CDK6: variants seen among roughly 807,000 people sequenced by gnomAD.
CDK6 encodes cyclin dependent kinase 6.
In CDK6, 6 loss-of-function variants were observed where a neutral mutation model predicts 37.1. That is an observed-to-expected ratio of 0.16 (90% CI 0.09 to 0.32). The LOEUF is 0.32. Ranked by LOEUF, CDK6 falls within the 10% of genes least tolerant of loss-of-function variation. CDK6 has a pLI of 1.00. For synonymous variants in CDK6, 160 were observed against 161.3 expected (o/e 0.99, Z 0.06); for missense variants, 224 against 418.9 (o/e 0.53, Z 4.06).
At chr7:92,723,273 G>A (rs149093472) in intron 4 of CDK6, among the ~76,000 whole-genome samples, 302 of 152,288 alleles carry the variant, frequency 2.0e-3, no homozygotes, top group African/African-American at 6.9e-3. Context: ...GGGTACCTCT[G>A]GAGTCAGGCT....
In CDK6 at chr7:92,669,286, T is replaced by C. The variant is rs530219141; in HGVS notation, c.647+2140A>G. ...AGGCTTGGAATCCAGTGACCACTTA[T>C]CACTTCAGTGGAAAATGCTTTTAAC... On this transcript the variant is annotated intron_variant, in intron 5 of 7. Coordinates refer to ENST00000424848, the MANE Select transcript of CDK6 (RefSeq NM_001145306.2). 1.8e-4 allele frequency among the ~76,000 whole-genome samples: 27 copies of C among 152,376 alleles called. 1 individual carries two copies. The East Asian group carries it at 3.5e-3, about 20-fold the overall frequency.
chr7:92,639,848 T>G (rs1334584363), intron 5 of CDK6, among the ~76,000 whole-genome samples: 1 of 152,198 alleles, frequency 6.6e-6, no homozygotes, highest in Admixed American at 6.5e-5. Context: ...GTTACTGGAT[T>G]TGACTAACGG....
At chr7:92,764,068 T>G (rs1310205663) in intron 3 of CDK6, among the ~76,000 whole-genome samples, 1 of 152,040 alleles carries the variant, frequency 6.6e-6, no homozygotes, top group Non-Finnish European at 1.5e-5. Flanking sequence ...AAAAACCTGT[T>G]GGGTTTAGTC....
chr7:92,780,401 G>A (rs1799956465), intron 2 of CDK6, among the ~76,000 whole-genome samples: 1 of 152,148 alleles, frequency 6.6e-6, no homozygotes, highest in South Asian at 2.1e-4. Flanking sequence ...AATGGGGCTA[G>A]GCTACCTAGA....
At chr7:92,681,689 A>C (rs1797338991) in intron 4 of CDK6, among the ~76,000 whole-genome samples, 1 of 152,146 alleles carries the variant, frequency 6.6e-6, no homozygotes, top group Admixed American at 6.5e-5. Flanking sequence ...GTAGCAATTT[A>C]AGTGCAGAAT....
chr7:92,657,401 A>T (rs1393709732), intron 5 of CDK6, among the ~76,000 whole-genome samples: 2 of 152,234 alleles, frequency 1.3e-5, no homozygotes, highest in African/African-American at 4.8e-5. Context: ...AGGAAAAATG[A>T]CATGAAGCAC....
intron 3 of CDK6, among the ~76,000 whole-genome samples, chr7:92,747,321 T>C (rs901459119): frequency 6.6e-6 from 1 of 152,204 alleles, no homozygotes; most frequent in Non-Finnish European, 1.5e-5. Context: ...TCTCTTTGAC[T>C]GATCTCCTGT....
chr7:92,703,289 T>C (rs1797897615), intron 4 of CDK6, among the ~76,000 whole-genome samples: 2 of 151,840 alleles, frequency 1.3e-5, no homozygotes, highest in South Asian at 4.1e-4. Context: ...ATAACCTTGG[T>C]ATGCGATGGG....
chr7:92,745,489 T>C (rs983331194), intron 3 of CDK6, among the ~76,000 whole-genome samples: 2 of 152,206 alleles, frequency 1.3e-5, no homozygotes, highest in African/African-American at 4.8e-5. Context: ...CAATCACCAC[T>C]GGATCAGGAC....
At chr7:92,616,889 T>C (rs996451432) in intron 7 of CDK6, among the ~76,000 whole-genome samples, 9 of 152,278 alleles carry the variant, frequency 5.9e-5, no homozygotes, top group Non-Finnish European at 1.2e-4. Flanking sequence ...TTTTGTCCTA[T>C]AGAAATATGG....
intron 2 of CDK6, among the ~76,000 whole-genome samples, chr7:92,809,944 G>A (rs917887144): frequency 6.6e-6 from 1 of 152,142 alleles, no homozygotes; most frequent in Non-Finnish European, 1.5e-5. Flanking sequence ...AAAGGTATGC[G>A]TACTTCCTTT....
chr7:92,645,226 T>A (rs1409650228), intron 5 of CDK6, among the ~76,000 whole-genome samples: 1 of 152,214 alleles, frequency 6.6e-6, no homozygotes, highest in Non-Finnish European at 1.5e-5. Flanking sequence ...GCTTTTAGGA[T>A]AATTCTCTTA....
intron 3 of CDK6, among the ~76,000 whole-genome samples, chr7:92,729,236 T>TA (rs1252701146): frequency 6.6e-6 from 1 of 152,216 alleles, no homozygotes; most frequent in African/African-American, 2.4e-5. Flanking sequence ...GGCATACTCT[T>TA]AAATTAGCTC....
At chr7:92,711,644 T>C (rs1355841643) in intron 4 of CDK6, among the ~76,000 whole-genome samples, 2 of 142,078 alleles carry the variant, frequency 1.4e-5, no homozygotes, top group African/African-American at 5.2e-5. Flanking sequence ...CTCAGCTCAC[T>C]GCAACCTCTA....
chr7:92,699,955 T>C (rs1441654401), intron 4 of CDK6, among the ~76,000 whole-genome samples: 3 of 152,206 alleles, frequency 2.0e-5, no homozygotes, highest in Non-Finnish European at 4.4e-5. Flanking sequence ...ATAGGGCAAC[T>C]GGAGAATTAT....
At chr7:92,623,948 G>A (rs760825319) in intron 5 of CDK6, among the ~76,000 whole-genome samples, 12 of 152,138 alleles carry the variant, frequency 7.9e-5, no homozygotes, top group Non-Finnish European at 1.3e-4. Context: ...CAACATTAAT[G>A]TACTAAAATA....
rs1359854601 is a variant in CDK6, at chr7:92,834,435, G to C, written c.-367-745C>G. 2.1e-5 allele frequency among the ~76,000 whole-genome samples: 3 copies of C among 146,104 alleles called. No homozygotes were observed. The highest frequency in any genetic ancestry group is 4.5e-5 in the Non-Finnish European group (3 of 66,606). ...AGGACCTCCCTGGTGGAAACCTTGG[G>C]AAGACCAGCCATCTGGTCGGGGAGG... On this transcript the variant is annotated intron_variant, in intron 1 of 7. Transcript: ENST00000424848. This position sits in a 1 kb window ranked among gnomAD's most constrained non-coding sequence, Gnocchi z 4.6.
chr7:92,615,234 G>T lies in CDK6; in HGVS notation c.887C>A (p.Ser296Tyr), dbSNP rs981329813. 4.3e-6 allele frequency: 7 copies of T among 1,614,032 alleles called. No homozygotes were observed. The highest frequency in any genetic ancestry group is 5.9e-6 in the Non-Finnish European group (7 of 1,179,990). Residue 296 changes from serine to tyrosine, a missense_variant, in exon 8 of 8, where the codon TCT (serine) becomes TAT (tyrosine). This residue lies in a region of CDK6 where 90 missense variants were observed against 136.2 expected (regional missense o/e 0.66). Coordinates refer to ENST00000424848, the MANE Select transcript of CDK6 (RefSeq NM_001145306.2). ...AKRISAYSALSHPYFQDLERC... is the reference protein window; with the variant it reads ...AKRISAYSALYHPYFQDLERC... ...TTCCAGGTCCTGGAAGTATGGGTGA[G>T]ACAGGGCACTGTAGGCAGATATTCT...
chr7:92,804,323 T>TA, intron 2 of CDK6, among the ~76,000 whole-genome samples: 1 of 152,304 alleles, frequency 6.6e-6, no homozygotes, highest in Admixed American at 6.5e-5. Context: ...CAAATACAAC[T>TA]AATTCACAAA....
Sources: allele counts gnomAD v4.1 joint callset (sites outside exome capture counted in the v4.1 genomes callset), GRCh38; gene constraint gnomAD v4.1.1; regional missense constraint gnomAD v4.1.1; non-coding constraint Gnocchi (gnomAD v3.1); transcripts MANE v1.5; gene names NCBI Gene and HGNC (gene_info 2026-07-23, HGNC 2026-07-21).